ECT2: variants seen among roughly 807,000 people sequenced by gnomAD.
The protein encoded by ECT2 is epithelial cell transforming 2.
ECT2 carries 61 observed loss-of-function variants against 116.9 expected under a neutral mutation model. The observed-to-expected ratio is 0.52, with a 90% CI of 0.42 to 0.65. The LOEUF is 0.65. Ranked by LOEUF, ECT2 falls within the 30% of genes least tolerant of loss-of-function variation. The pLI is 0.00. For missense variants in ECT2, 937 were observed against 1,078.7 expected (o/e 0.87, Z 1.84); for synonymous variants, 358 against 346.4 (o/e 1.03, Z -0.37).
intron 14 of ECT2, among the ~76,000 whole-genome samples, chr3:172,780,748 C>A (rs1722555656): frequency 6.6e-6 from 1 of 151,990 alleles, no homozygotes; most frequent in African/African-American, 2.4e-5. Context: ...TTATAACCAT[C>A]CTAGTGGGTG....
intron 15 of ECT2, among the ~76,000 whole-genome samples, chr3:172,783,219 A>G (rs1723028822): frequency 6.6e-6 from 1 of 152,142 alleles, no homozygotes; most frequent in Admixed American, 6.5e-5. Context: ...CAGTGCCTTG[A>G]GTACTGGCAT....
intron 7 of ECT2, among the ~76,000 whole-genome samples, 184 bp from the exon 8 acceptor site, chr3:172,761,426 T>C (rs1330359954): frequency 6.6e-6 from 1 of 152,182 alleles, no homozygotes; most frequent in Non-Finnish European, 1.5e-5. Flanking sequence ...ATGGAACTTG[T>C]TTTGAAGTTA....
At chr3:172,800,534 ATTCT>A (rs1311835729) in intron 18 of ECT2, among the ~76,000 whole-genome samples, 2 of 152,168 alleles carry the variant, frequency 1.3e-5, no homozygotes, top group Middle Eastern at 3.2e-3. Flanking sequence ...CTGAATTATA[ATTCT>A]TTCTTCCCCA....
intron 5 of ECT2, among the ~76,000 whole-genome samples, chr3:172,758,115 C>T (rs1717433963): frequency 6.6e-6 from 1 of 152,132 alleles, no homozygotes; most frequent in Non-Finnish European, 1.5e-5. Flanking sequence ...CTGCCTCTGC[C>T]TCCCAAAGTG....
chr3:172,812,354 A>G (rs1366754971), intron 22 of ECT2, among the ~76,000 whole-genome samples: 3 of 152,072 alleles, frequency 2.0e-5, no homozygotes, highest in Non-Finnish European at 4.4e-5. Context: ...ATAAATGGAT[A>G]TTTTACCTGT....
At position 172,802,683 on chromosome 3, in the gene ECT2, G is replaced by T; in HGVS notation, c.1975G>T (p.Asp659Tyr). 6.2e-7 allele frequency: 1 copy of T among 1,601,840 alleles called. No homozygotes were observed. Among genetic ancestry groups the T allele is most frequent in the East Asian group, 2.2e-5 (1 of 44,546 alleles). ...KQIFDVVYEV[D>Y]GCPANLLSSH... ...AATTTTTGATGTTGTTTATGAAGTAGATGGATGCCCAGTAAGTATTCTTCT... is the reference window on the plus strand; with the variant it reads ...AATTTTTGATGTTGTTTATGAAGTATATGGATGCCCAGTAAGTATTCTTCT... The change falls in exon 19 of 25, where the codon GAT (aspartate) becomes TAT (tyrosine). Residue 659 changes from aspartate (D) to tyrosine (Y), a missense_variant. Asp to Tyr is a radical substitution (Grantham distance 160, BLOSUM62 -3). Transcript: ENST00000392692.
chr3:172,828,115 T>TA, the ECT2 span, among the ~76,000 whole-genome samples: 1 of 152,190 alleles, frequency 6.6e-6, no homozygotes, highest in Non-Finnish European at 1.5e-5. Flanking sequence ...TCCTAAAAGA[T>TA]ACTTGTTACA....
chr3:172,757,654 A>G (rs938371098), intron 5 of ECT2, among the ~76,000 whole-genome samples: 4 of 151,928 alleles, frequency 2.6e-5, no homozygotes, highest in African/African-American at 9.7e-5. Flanking sequence ...TGACCTCGTG[A>G]TCCACCCGCT....
rs777567672 is a variant in ECT2 at position 172,820,902 on chromosome 3, T to C, written c.*665T>C. 1.3e-4 allele frequency: 19 copies of C among 151,932 alleles called. No individual in the cohort carries two copies. Among genetic ancestry groups the C allele is most frequent in the Admixed American group, 6.6e-4 (10 of 15,246 alleles). The allele number at this position is 151,932 out of a possible 1,614,324, so 9.4% of individuals were successfully genotyped here. A position where few individuals can be genotyped will look rare whatever the true frequency, so the allele number is the denominator to read the frequency against. On this transcript the variant is annotated 3_prime_UTR_variant, in exon 25 of 25. Transcript: ENST00000392692. ...TAAGGACAGAAAGATTGAGAAACAT[T>C]GTATATTTTGCAAAAACAAGATGTT... is the stretch of plus-strand genomic sequence containing the variant.
chr3:172,810,553 T>C (rs1337082205), intron 22 of ECT2, among the ~76,000 whole-genome samples: 1 of 152,208 alleles, frequency 6.6e-6, no homozygotes, highest in East Asian at 1.9e-4. Context: ...TATAAATGTC[T>C]GTTATTGATA....
intron 18 of ECT2, among the ~76,000 whole-genome samples, chr3:172,788,304 C>T (rs1324699666): frequency 1.3e-5 from 2 of 152,178 alleles, no homozygotes; most frequent in Non-Finnish European, 2.9e-5. Context: ...ATTCTAACAA[C>T]ATCAGTTATA....
chr3:172,783,376 T>C (rs1401061587), intron 15 of ECT2, among the ~76,000 whole-genome samples: 1 of 152,180 alleles, frequency 6.6e-6, no homozygotes, highest in African/African-American at 2.4e-5. Flanking sequence ...CAGCCAACAT[T>C]GTTTTCCTTT....
At chr3:172,811,096 T>C (rs949745943) in intron 22 of ECT2, among the ~76,000 whole-genome samples, 1 of 152,188 alleles carries the variant, frequency 6.6e-6, no homozygotes, top group African/African-American at 2.4e-5. Flanking sequence ...TTTTGGCTAA[T>C]CTATCAATTT....
chr3:172,806,939 C>T (rs968434618), intron 21 of ECT2, among the ~76,000 whole-genome samples: 3 of 151,934 alleles, frequency 2.0e-5, no homozygotes, highest in African/African-American at 4.8e-5. Flanking sequence ...CACTGCACCC[C>T]GCCAAGAAAT....
At chr3:172,816,631 A>C in intron 23 of ECT2, 60 bp from the exon 24 acceptor site, 2 of 1,450,442 alleles carry the variant, frequency 1.4e-6, no homozygotes, top group South Asian at 1.5e-5. Context: ...TTATGTTTAA[A>C]TATTCTCATC....
intron 5 of ECT2, 131 bp downstream of exon 5, chr3:172,757,296 G>T (rs987684687): frequency 9.4e-6 from 6 of 637,252 alleles, no homozygotes; most frequent in Non-Finnish European, 1.5e-5. Flanking sequence ...AATAATAGTG[G>T]CTATTCTAAT....
intron 22 of ECT2, among the ~76,000 whole-genome samples, chr3:172,813,349 A>G (rs1051173955): frequency 2.0e-5 from 3 of 152,032 alleles, no homozygotes; most frequent in Non-Finnish European, 4.4e-5. Context: ...TACAAATCAC[A>G]TTGTAAAAAA....
intron 1 of ECT2, 78 bp from the exon 2 acceptor site, chr3:172,754,431 A>G: frequency 2.0e-6 from 2 of 1,016,974 alleles, no homozygotes; most frequent in Non-Finnish European, 2.8e-6. Context: ...TATAAATTCT[A>G]GGTAAAAAGA....
At chr3:172,805,527 T>G (rs1360358875) in intron 20 of ECT2, among the ~76,000 whole-genome samples, 1 of 152,182 alleles carries the variant, frequency 6.6e-6, no homozygotes, top group Non-Finnish European at 1.5e-5. Context: ...TTTGAACTCT[T>G]CTTATATAAA....
Sources: allele counts gnomAD v4.1 joint callset (sites outside exome capture counted in the v4.1 genomes callset), GRCh38; gene constraint gnomAD v4.1.1; transcripts MANE v1.5; gene names NCBI Gene and HGNC (gene_info 2026-07-23, HGNC 2026-07-21).